The following PLD5 variants were observed in gnomAD, a reference collection of about 807,000 sequenced individuals.
PLD5 encodes the protein inactive phospholipase D5.
In PLD5, 36 loss-of-function variants were observed where a neutral mutation model predicts 61.1. The ratio of observed to expected loss-of-function variants is 0.59; its 90% CI spans 0.45 to 0.78. PLD5 has a LOEUF of 0.78. PLD5 is among the 30% of genes least tolerant of loss of function. The pLI is 0.00. For synonymous variants in PLD5, 243 were observed against 242.8 expected (o/e 1.00, Z -0.01); for missense variants, 515 against 644.4 (o/e 0.80, Z 2.17).
At chr1:242,394,984 T>G (rs1663425033) in intron 1 of PLD5, among the ~76,000 whole-genome samples, 1 of 108,688 alleles carries the variant, frequency 9.2e-6, no homozygotes, top group Admixed American at 1.1e-4. Flanking sequence ...TATGAATATA[T>G]ATGAATATAT....
chr1:242,315,043 T>G (rs1676926957), intron 2 of PLD5, among the ~76,000 whole-genome samples: 1 of 152,192 alleles, frequency 6.6e-6, no homozygotes, highest in Non-Finnish European at 1.5e-5. Flanking sequence ...GTTACTCACT[T>G]GAGGATTTCC....
At chr1:242,319,041 G>C (rs1242405280) in intron 2 of PLD5, among the ~76,000 whole-genome samples, 1 of 152,092 alleles carries the variant, frequency 6.6e-6, no homozygotes, top group Non-Finnish European at 1.5e-5. Context: ...ATTGGGGCAG[G>C]AGGGGCTCCA....
At chr1:242,090,238 T>C in intron 9 of PLD5, 128 bp from the exon 10 acceptor site, 1 of 1,241,868 alleles carries the variant, frequency 8.1e-7, no homozygotes, top group Non-Finnish European at 1.1e-6. Context: ...AGAGGCTGAA[T>C]TGTGTTGACA....
At chr1:242,106,718 C>T (rs1443954567) in intron 8 of PLD5, among the ~76,000 whole-genome samples, 2 of 152,186 alleles carry the variant, frequency 1.3e-5, no homozygotes, top group Admixed American at 6.5e-5. Flanking sequence ...TTGCGGAGCC[C>T]TTGATACCCT....
At chr1:242,172,382 G>A (rs545503376) in intron 5 of PLD5, among the ~76,000 whole-genome samples, 11 of 152,332 alleles carry the variant, frequency 7.2e-5, no homozygotes, top group African/African-American at 2.6e-4. Flanking sequence ...AAAGTGGTGT[G>A]TAGAGGGAAA....
chr1:242,373,500 C>T lies in PLD5; in HGVS notation c.190-25258G>A, dbSNP rs202127332. ...ATGCTGCTATAAAGACACATGCTCA[C>T]GTATGTTTATTGTGGCGCTATTCAC... On this transcript the variant is annotated intron_variant, in intron 1 of 9. Transcript: ENST00000536534. 9.2e-5 allele frequency among the ~76,000 whole-genome samples: 14 copies of T among 152,228 alleles called. No individual in the cohort carries two copies. In the East Asian group the frequency reaches 1.5e-3, roughly 17 times the overall value.
intron 1 of PLD5, among the ~76,000 whole-genome samples, chr1:242,497,365 C>T (rs1317906390): frequency 1.3e-5 from 2 of 152,162 alleles, no homozygotes; most frequent in Non-Finnish European, 2.9e-5. Flanking sequence ...TTCTTTCTTA[C>T]TTATATTTAT....
chr1:242,420,629 C>T (rs1472988130), intron 1 of PLD5, among the ~76,000 whole-genome samples: 1 of 152,102 alleles, frequency 6.6e-6, no homozygotes, highest in Non-Finnish European at 1.5e-5. Flanking sequence ...CACTTGCATG[C>T]CTCCAACTTC....
chr1:242,150,179 T>A (rs765223268), intron 5 of PLD5, among the ~76,000 whole-genome samples: 33 of 151,834 alleles, frequency 2.2e-4, no homozygotes, highest in Non-Finnish European at 4.1e-4. Context: ...AAGTACTTAC[T>A]TTTTATAATT....
rs1392736988 is a variant in PLD5 at position 242,320,784 on chromosome 1, A to C, written c.326+27322T>G. Among the ~76,000 whole-genome samples the C allele has an allele frequency of 5.9e-5, 9 of 152,316 alleles. No individual in the cohort carries two copies. The South Asian group carries it at 1.9e-3, about 32-fold the overall frequency. On this transcript the variant is annotated intron_variant, in intron 2 of 9. Transcript: ENST00000536534. Reference sequence around the variant, plus strand: ...ATTAGAATCACCTGGGGAGCTCAAAATCTAATAGCAGGTCCCACTCCCACA... The same window carrying C: ...ATTAGAATCACCTGGGGAGCTCAAACTCTAATAGCAGGTCCCACTCCCACA...
intron 5 of PLD5, among the ~76,000 whole-genome samples, chr1:242,181,025 A>G (rs1667485517): frequency 6.6e-6 from 1 of 151,696 alleles, no homozygotes; most frequent in Non-Finnish European, 1.5e-5. Context: ...AACACAAAAA[A>G]CCCCACAAAT....
chr1:242,348,496 T>A (rs1489344777), intron 1 of PLD5, among the ~76,000 whole-genome samples: 2 of 152,050 alleles, frequency 1.3e-5, no homozygotes, highest in African/African-American at 4.8e-5. Flanking sequence ...TCTGAATGAG[T>A]TTGCTCTTCT....
intron 2 of PLD5, among the ~76,000 whole-genome samples, chr1:242,335,006 T>G (rs1659418371): frequency 6.6e-6 from 1 of 152,200 alleles, no homozygotes; most frequent in African/African-American, 2.4e-5. Flanking sequence ...TGACCTGCCC[T>G]TTTGTAAAAT....
Position 242,184,412 on chromosome 1 carries a change from T to TCAAA in PLD5, c.735+35575_735+35576insTTTG, listed in dbSNP as rs557721752. On this transcript the variant is annotated intron_variant, in intron 5 of 9. Coordinates refer to ENST00000536534, the MANE Select transcript of PLD5 (RefSeq NM_001372062.1). ...ATTATTTTTATTTTTTGAGATGGAG[T>TCAAA]CTTGCTCTGTCAACCAGGCTGGAGT... Among the ~76,000 whole-genome samples the TCAAA allele has an allele frequency of 5.9e-5, 9 of 152,088 alleles. 1 individual carries two copies. The South Asian group carries it at 1.9e-3, about 32-fold the overall frequency.
At chr1:242,401,618 C>T (rs369155269) in intron 1 of PLD5, among the ~76,000 whole-genome samples, 6 of 152,184 alleles carry the variant, frequency 3.9e-5, no homozygotes, top group Non-Finnish European at 5.9e-5. Context: ...GTGGTGTGCT[C>T]AGGCCCCACA....
intron 1 of PLD5, among the ~76,000 whole-genome samples, chr1:242,497,373 T>C (rs1668405092): frequency 6.6e-6 from 1 of 152,198 alleles, no homozygotes; most frequent in Non-Finnish European, 1.5e-5. Context: ...TACTTATATT[T>C]ATGTTAATAA....
intron 1 of PLD5, among the ~76,000 whole-genome samples, chr1:242,423,388 A>C (rs536817952): frequency 6.6e-6 from 1 of 152,304 alleles, no homozygotes; most frequent in South Asian, 2.1e-4. Flanking sequence ...GTGGAAGGGC[A>C]GGAAGTGTCA....
At chr1:242,302,778 TCTCCCAA>T (rs1214673278) in intron 2 of PLD5, among the ~76,000 whole-genome samples, 3 of 152,226 alleles carry the variant, frequency 2.0e-5, no homozygotes, top group African/African-American at 7.2e-5. Context: ...TCTCTGGGTA[TCTCCCAA>T]ATACATATGA....
At chr1:242,202,226 CA>C (rs1027205966) in intron 5 of PLD5, among the ~76,000 whole-genome samples, 2 of 151,658 alleles carry the variant, frequency 1.3e-5, no homozygotes, top group Non-Finnish European at 2.9e-5. Flanking sequence ...AAAACAAAAA[CA>C]AAAACAAAAC....
Sources: allele counts gnomAD v4.1 joint callset (sites outside exome capture counted in the v4.1 genomes callset), GRCh38; gene constraint gnomAD v4.1.1; transcripts MANE v1.5; gene names NCBI Gene and HGNC (gene_info 2026-07-23, HGNC 2026-07-21).